FAM13C: variants seen among roughly 807,000 people sequenced by gnomAD.
The protein encoded by FAM13C is family with sequence similarity 13 member C, also known as protein FAM13C.
Under a neutral mutation model 73.2 loss-of-function variants are expected in FAM13C, and 37 were observed. The observed-to-expected ratio is 0.51, with a 90% confidence interval of 0.39 to 0.67. The LOEUF (loss-of-function observed/expected upper bound fraction) is 0.67. FAM13C is among the 30% of genes least tolerant of loss of function. FAM13C has a pLI of 0.00. For synonymous variants in FAM13C, 246 were observed against 260.9 expected (o/e 0.94, Z 0.55); for missense variants, 589 against 715.6 (o/e 0.82, Z 2.02).
rs548172651 is a variant in FAM13C, at chr10:59,362,494, T to C, written c.-34A>G. 436 of 1,608,778 alleles carry C rather than the reference T, an allele frequency of 2.7e-4. 1 individual carries two copies. The highest frequency in any genetic ancestry group is 1.4e-4 in the Non-Finnish European group (170 of 1,177,262). On this transcript the variant is annotated 5_prime_UTR_variant, in exon 1 of 14. Coordinates refer to ENST00000618804, the MANE Select transcript of FAM13C (RefSeq NM_198215.4). Reference sequence around the variant, plus strand: ...TCTGGCCGGGGAGCCGTCTCCCTGATTGCTCTCCGGGAGTTAGAGCACATA... The same window carrying C: ...TCTGGCCGGGGAGCCGTCTCCCTGACTGCTCTCCGGGAGTTAGAGCACATA...
chr10:59,251,789 T>C, intron 12 of FAM13C, 113 bp from the exon 13 acceptor site: 1 of 772,810 alleles, frequency 1.3e-6, no homozygotes, highest in South Asian at 2.1e-5. Flanking sequence ...AGTGTTCCCA[T>C]CATAAGAGTA....
chr10:59,352,375 G>A lies in FAM13C; in HGVS notation c.219C>T (p.Thr73=), dbSNP rs773521958. ...WEPQQQNVEA[T]VLVDSVLRPS... The stretch of plus-strand genomic sequence containing the variant: ...GTCGCAATACGCTGTCCACCAGCAC[G>A]GTCGCCTCTACATTCTGCTGCTGCG... Residue 73 remains threonine, a synonymous_variant, in exon 3 of 14, where the codon ACC becomes ACT. Transcript: ENST00000618804. 3.7e-6 allele frequency: 6 copies of A among 1,614,144 alleles called. No homozygotes were observed. Among genetic ancestry groups the A allele is most frequent in the South Asian group, 3.3e-5 (3 of 91,074 alleles).
chr10:59,297,901 A>AC, intron 5 of FAM13C, among the ~76,000 whole-genome samples: 1 of 25,346 alleles, frequency 3.9e-5, no homozygotes, highest in East Asian at 1.4e-3. Flanking sequence ...CTCTGGGGAC[A>AC]AAAAAAAAAG....
chr10:59,319,460 T>G (rs1849938753), intron 4 of FAM13C, among the ~76,000 whole-genome samples: 1 of 152,246 alleles, frequency 6.6e-6, no homozygotes. Context: ...TAATACAATA[T>G]TTTAAATATA....
intron 10 of FAM13C, among the ~76,000 whole-genome samples, chr10:59,256,331 A>G (rs1371588518): frequency 1.3e-5 from 2 of 151,952 alleles, no homozygotes; most frequent in African/African-American, 4.8e-5. Context: ...GTATCTCTCC[A>G]TTGCAATTTG....
rs544507469 is a variant in FAM13C at position 59,306,828 on chromosome 10, C to T, written c.444-3964G>A. Among the ~76,000 whole-genome samples the T allele has an allele frequency of 5.9e-5, 9 of 152,250 alleles. No homozygotes were observed. In the East Asian group the frequency reaches 9.7e-4, roughly 16 times the overall value. On this transcript the variant is annotated intron_variant, in intron 4 of 13. Transcript: ENST00000618804. ...GGCGGAGTTTGCAGTGAGCTGAGAT[C>T]GTGCCACTGCACTCTAGCCTGGGTG...
intron 12 of FAM13C, among the ~76,000 whole-genome samples, chr10:59,252,501 G>T (rs1480410102): frequency 6.6e-6 from 1 of 151,836 alleles, no homozygotes; most frequent in Non-Finnish European, 1.5e-5. Context: ...TTATCATGAG[G>T]AATGCCAGCT....
In FAM13C at chr10:59,247,475, A is replaced by G; in HGVS notation, c.*139T>C. ...CTCCTTGTATATAATTAAACTTGCTATTCCTTCTTAAAAACAGCTAATACT... is the reference window on the plus strand; with the variant it reads ...CTCCTTGTATATAATTAAACTTGCTGTTCCTTCTTAAAAACAGCTAATACT... On this transcript the variant is annotated 3_prime_UTR_variant, in exon 14 of 14. Coordinates refer to ENST00000618804, the MANE Select transcript of FAM13C (RefSeq NM_198215.4). The G allele has an allele frequency of 9.9e-7, 1 of 1,007,536 alleles. No homozygotes were observed. Among genetic ancestry groups the G allele is most frequent in the Non-Finnish European group, 1.5e-6 (1 of 666,154 alleles). 62.4% of individuals were successfully genotyped at this position (1,007,536 alleles called of 1,614,324 possible). A position where few individuals can be genotyped will look rare whatever the true frequency, so the allele number is the denominator to read the frequency against.
At chr10:59,316,794 C>T (rs1473511419) in intron 4 of FAM13C, among the ~76,000 whole-genome samples, 1 of 152,072 alleles carries the variant, frequency 6.6e-6, no homozygotes, top group South Asian at 2.1e-4. Context: ...TTATGTGGTA[C>T]ATGACTGTAT....
chr10:59,271,570 T>C (rs1254362293), intron 6 of FAM13C, among the ~76,000 whole-genome samples: 1 of 152,178 alleles, frequency 6.6e-6, no homozygotes, highest in East Asian at 1.9e-4. Flanking sequence ...GGTGTAATGG[T>C]GTGACTGACA....
At chr10:59,329,256 C>T (rs1046144766) in intron 3 of FAM13C, among the ~76,000 whole-genome samples, 5 of 150,792 alleles carry the variant, frequency 3.3e-5, no homozygotes, top group African/African-American at 9.7e-5. Context: ...CATGGGAAAA[C>T]GCAGGCATAG....
intron 4 of FAM13C, among the ~76,000 whole-genome samples, chr10:59,314,795 T>C (rs1225384671): frequency 6.6e-6 from 1 of 152,162 alleles, no homozygotes; most frequent in Non-Finnish European, 1.5e-5. Flanking sequence ...CTGAGAGGCT[T>C]GGCATGCTGC....
chr10:59,251,017 G>A (rs1476610124), intron 13 of FAM13C, among the ~76,000 whole-genome samples: 1 of 152,126 alleles, frequency 6.6e-6, no homozygotes, highest in Non-Finnish European at 1.5e-5. Context: ...CTAATAGAGT[G>A]TATAATGAGA....
At chr10:59,270,158 G>C in intron 6 of FAM13C, 49 bp from the exon 7 acceptor site, 2 of 1,547,914 alleles carry the variant, frequency 1.3e-6, no homozygotes, top group Non-Finnish European at 1.8e-6. Flanking sequence ...CAGAGGGCTT[G>C]AGACTGTCAT....
chr10:59,263,624 A>G (rs1266979594), intron 9 of FAM13C, among the ~76,000 whole-genome samples: 2 of 152,196 alleles, frequency 1.3e-5, no homozygotes, highest in Non-Finnish European at 2.9e-5. Flanking sequence ...AGACAGAAAA[A>G]GAAGGACACT....
chr10:59,297,591 A>T (rs1847067603), intron 5 of FAM13C, among the ~76,000 whole-genome samples: 1 of 152,108 alleles, frequency 6.6e-6, no homozygotes, highest in Non-Finnish European at 1.5e-5. Flanking sequence ...GTCCAGGCTG[A>T]CAATCATGCT....
intron 3 of FAM13C, among the ~76,000 whole-genome samples, chr10:59,342,112 C>T (rs1232218679): frequency 6.6e-6 from 1 of 152,138 alleles, no homozygotes; most frequent in Non-Finnish European, 1.5e-5. Context: ...GACTTGATGA[C>T]AGCCTCTGCT....
chr10:59,320,646 G>C (rs1252157802), intron 4 of FAM13C, among the ~76,000 whole-genome samples: 1 of 152,214 alleles, frequency 6.6e-6, no homozygotes, highest in Non-Finnish European at 1.5e-5. Context: ...GGTGGAAGAA[G>C]AGTTATGGAC....
rs139162259 is a variant in FAM13C at position 59,280,472 on chromosome 10, G to A, written c.592+2891C>T. Among the ~76,000 whole-genome samples the A allele has an allele frequency of 1.4e-3, 213 of 152,288 alleles. 1 individual carries two copies. Among genetic ancestry groups the A allele is most frequent in the African/African-American group, 4.8e-3 (199 of 41,566 alleles). The stretch of plus-strand genomic sequence containing the variant: ...CCATGTGATCTGTGAGCCTCTTCCC[G>A]TTGGCAAAATTGAGGTACAGCAGAG... On this transcript the variant is annotated intron_variant, in intron 6 of 13. Coordinates refer to ENST00000618804, the MANE Select transcript of FAM13C (RefSeq NM_198215.4).
Sources: allele counts gnomAD v4.1 joint callset (sites outside exome capture counted in the v4.1 genomes callset), GRCh38; gene constraint gnomAD v4.1.1; transcripts MANE v1.5; gene names NCBI Gene and HGNC (gene_info 2026-07-23, HGNC 2026-07-21).